Variants in SPIRE2 observed in about 807,000 individuals in gnomAD.
SPIRE2 encodes the protein spire type actin nucleation factor 2.
In SPIRE2, 76 loss-of-function variants were observed where a neutral mutation model predicts 80.7. The observed-to-expected ratio is 0.94, with a 90% CI of 0.78 to 1.14. The LOEUF is 1.14. Ranked by LOEUF, SPIRE2 falls within the 50% of genes most tolerant of loss-of-function variation. The probability of loss-of-function intolerance (pLI) is 0.00; values close to 1 mark genes in which losing one functional copy is unlikely to be tolerated. For synonymous variants in SPIRE2, 535 were observed against 432.6 expected, an observed-to-expected ratio of 1.24 and a Z score of -2.94; for missense variants, 1,196 against 1,015.3, an observed-to-expected ratio of 1.18 and a Z score of -2.42.
intron 1 of SPIRE2, among the ~76,000 whole-genome samples, chr16:89,832,906 T>G (rs2041400554): frequency 6.6e-6 from 1 of 151,486 alleles, no homozygotes; most frequent in Middle Eastern, 3.2e-3. Flanking sequence ...ACTGCAACCT[T>G]AGCCTCCTGA....
At chr16:89,842,937 T>G (rs1389491051) in intron 1 of SPIRE2, among the ~76,000 whole-genome samples, 1 of 152,278 alleles carries the variant, frequency 6.6e-6, no homozygotes, top group African/African-American at 2.4e-5. Flanking sequence ...GCAATCTTCC[T>G]GGTTCTTGAT....
At position 89,863,984 on chromosome 16, in the gene SPIRE2, G is replaced by A; in HGVS notation, c.1778+123G>A. ...TTCTAGCATGTTCGATGGCTGATGA[G>A]TCCACAAGATATGGTTAGTACGAAT... On this transcript the variant is annotated intron_variant, in intron 12 of 14. Transcript: ENST00000378247. This position sits in a 1 kb window ranked among gnomAD's most constrained non-coding sequence, Gnocchi z 4.3. 4 of 679,664 alleles carry A rather than the reference G, an allele frequency of 5.9e-6. No individual in the cohort carries two copies. 42.1% of individuals were successfully genotyped at this position (679,664 alleles called of 1,614,324 possible).
At chr16:89,832,001 G>C (rs1445149106) in intron 1 of SPIRE2, among the ~76,000 whole-genome samples, 1 of 152,266 alleles carries the variant, frequency 6.6e-6, no homozygotes, top group Admixed American at 6.5e-5. Flanking sequence ...GCTCTGCAGA[G>C]GGCGAAGCTC....
rs891170147 is a variant in SPIRE2, at chr16:89,870,574, A to T, written c.*302A>T. On this transcript the variant is annotated 3_prime_UTR_variant, in exon 15 of 15. Transcript: ENST00000378247. The stretch of plus-strand genomic sequence containing the variant: ...CAGAAGGTTCTAGATCCTGGCACAG[A>T]CTGCATCCCATGTTCCCATGCTCTT... The T allele has an allele frequency of 3.5e-6, 1 of 284,626 alleles. No individual in the cohort carries two copies. The allele number at this position is 284,626 out of a possible 1,614,324, so 17.6% of individuals were successfully genotyped here.
At chr16:89,867,917 C>T (rs539966657) in intron 12 of SPIRE2, among the ~76,000 whole-genome samples, 2 of 152,182 alleles carry the variant, frequency 1.3e-5, no homozygotes, top group African/African-American at 4.8e-5. Context: ...TACTCTATAT[C>T]CTACCACTTG....
In SPIRE2 at chr16:89,850,540, C is replaced by G; in HGVS notation, c.525C>G (p.Cys175Trp). The G allele has an allele frequency of 6.6e-7, 1 of 1,512,448 alleles. No homozygotes were observed. The highest frequency in any genetic ancestry group is 8.8e-7 in the Non-Finnish European group (1 of 1,135,180). The allele number at this position is 1,512,448 out of a possible 1,614,324, so 93.7% of individuals were successfully genotyped here. ...CCTTTGCCCAGGCCATGCGGCTGTG[C>G]GCGGCGCGGCTGACCGACCCCCGGG... ...VRTFAQAMRLCAARLTDPRGA... is the reference protein window; with the variant it reads ...VRTFAQAMRLWAARLTDPRGA... Residue 175 changes from cysteine (C) to tryptophan (W), a missense_variant, in exon 3 of 15, where the codon TGC becomes TGG. By Grantham distance (215) the Cys-to-Trp change is radical. Coordinates refer to ENST00000378247, the MANE Select transcript of SPIRE2 (RefSeq NM_032451.2).
At chr16:89,838,858 C>T (rs1270707436) in intron 1 of SPIRE2, among the ~76,000 whole-genome samples, 3 of 151,988 alleles carry the variant, frequency 2.0e-5, no homozygotes, top group African/African-American at 4.8e-5. Flanking sequence ...TTTCTCCGCA[C>T]AAAGGGCTCT....
chr16:89,842,204 C>T (rs558407286), intron 1 of SPIRE2, among the ~76,000 whole-genome samples: 29 of 92,620 alleles, frequency 3.1e-4, no homozygotes, highest in Non-Finnish European at 5.5e-4. Flanking sequence ...TTCATGAACA[C>T]GTAATTTTTT....
intron 2 of SPIRE2, chr16:89,846,946 T>C (rs1005754344): frequency 1.3e-5 from 2 of 151,222 alleles, no homozygotes; most frequent in African/African-American, 4.9e-5. Flanking sequence ...CTTCTGTCTT[T>C]TGTAAAAGTT....
intron 1 of SPIRE2, among the ~76,000 whole-genome samples, chr16:89,844,559 C>T (rs2041539137): frequency 6.6e-6 from 1 of 152,038 alleles, no homozygotes; most frequent in Non-Finnish European, 1.5e-5. Context: ...CTGCATCACC[C>T]TCCCGAGTAG....
intron 1 of SPIRE2, among the ~76,000 whole-genome samples, chr16:89,842,018 G>A (rs1368083122): frequency 2.0e-5 from 3 of 151,242 alleles, no homozygotes; most frequent in Non-Finnish European, 2.9e-5. Context: ...GTGAGCCACC[G>A]CACCCCACAG....
In SPIRE2 at chr16:89,870,319, A is replaced by G; in HGVS notation, c.*47A>G. The G allele has an allele frequency of 7.7e-7, 1 of 1,298,546 alleles. No individual in the cohort carries two copies. The highest frequency in any genetic ancestry group is 1.1e-6 in the Non-Finnish European group (1 of 918,864). 80.4% of individuals were successfully genotyped at this position (1,298,546 alleles called of 1,614,324 possible). On this transcript the variant is annotated 3_prime_UTR_variant, in exon 15 of 15. Coordinates refer to ENST00000378247, the MANE Select transcript of SPIRE2 (RefSeq NM_032451.2). ...CCAGGAGGCACCAGGCAGGCCCTGT[A>G]TCAGGCTAGGACGCTCTGAGCTGTG...
At chr16:89,850,276 G>T (rs552238608) in intron 2 of SPIRE2, 28 bp from the exon 3 acceptor site, 4 of 1,589,712 alleles carry the variant, frequency 2.5e-6, no homozygotes, top group Admixed American at 1.7e-5. Context: ...CTGCAGTACC[G>T]CCCAGTGACC....
At chr16:89,833,682 G>T (rs910237521) in intron 1 of SPIRE2, among the ~76,000 whole-genome samples, 2 of 152,200 alleles carry the variant, frequency 1.3e-5, no homozygotes, top group Non-Finnish European at 2.9e-5. Flanking sequence ...GCCTGGCTCC[G>T]GAAGCACTGG....
intron 9 of SPIRE2, among the ~76,000 whole-genome samples, chr16:89,860,184 G>T (rs1217075004): frequency 6.6e-6 from 1 of 152,190 alleles, no homozygotes; most frequent in African/African-American, 2.4e-5. Flanking sequence ...AGACACGGGG[G>T]CCCTTCCGGG....
At chr16:89,865,994 G>A (rs949441947) in intron 12 of SPIRE2, among the ~76,000 whole-genome samples, 1 of 146,096 alleles carries the variant, frequency 6.8e-6, no homozygotes, top group African/African-American at 2.6e-5. Flanking sequence ...AAAAGGTAAG[G>A]CTGGATATGG....
At chr16:89,856,525 A>G (rs972543040) in intron 7 of SPIRE2, among the ~76,000 whole-genome samples, 3 of 151,084 alleles carry the variant, frequency 2.0e-5, no homozygotes, top group Non-Finnish European at 4.4e-5. Flanking sequence ...GCTCACTGCA[A>G]CCTCCGCCCC....
chr16:89,855,462 T>C, intron 5 of SPIRE2, 138 bp from the exon 6 acceptor site: 1 of 695,666 alleles, frequency 1.4e-6, no homozygotes, highest in Non-Finnish European at 2.5e-6. Flanking sequence ...GGGAAGCAGC[T>C]GGGTCCCTGC....
intron 12 of SPIRE2, among the ~76,000 whole-genome samples, chr16:89,865,919 G>T (rs527940103): frequency 7.4e-6 from 1 of 135,458 alleles, no homozygotes; most frequent in Non-Finnish European, 1.5e-5. Flanking sequence ...AGTGAGCCGA[G>T]ATCGCGCCAC....
Sources: gnomAD v4.1 joint callset for allele counts (sites outside exome capture counted in the v4.1 genomes callset) on GRCh38, gnomAD v4.1.1 for gene constraint, Gnocchi (gnomAD v3.1) non-coding constraint, MANE v1.5 for transcripts, NCBI Gene and HGNC (gene_info 2026-07-23, HGNC 2026-07-21) for gene names.